Variants in APPBP2 observed in about 807,000 individuals in gnomAD.
APPBP2 encodes the protein amyloid beta precursor protein binding protein 2.
In APPBP2, 15 loss-of-function variants were observed where a neutral mutation model predicts 76.0. The observed-to-expected ratio is 0.20, with a 90% CI of 0.13 to 0.30. The LOEUF is 0.30. APPBP2 is among the 10% of genes least tolerant of loss of function. The probability of loss-of-function intolerance (pLI) is 1.00; values close to 1 mark genes in which losing one functional copy is unlikely to be tolerated. For missense variants in APPBP2, 401 were observed against 687.2 expected, an observed-to-expected ratio of 0.58 and a Z score of 4.66; for synonymous variants, 222 against 242.2, an observed-to-expected ratio of 0.92 and a Z score of 0.77.
intron 4 of APPBP2, among the ~76,000 whole-genome samples, chr17:60,477,773 GC>G (rs1445413992): frequency 7.1e-6 from 1 of 141,418 alleles, no homozygotes; most frequent in Non-Finnish European, 1.5e-5. Context: ...GTCAATGACA[GC>G]CTCAAAAGAC....
chr17:60,478,698 G>C (rs935997135), intron 4 of APPBP2, among the ~76,000 whole-genome samples: 2 of 152,162 alleles, frequency 1.3e-5, no homozygotes, highest in African/African-American at 4.8e-5. Flanking sequence ...AAGGCAGGTG[G>C]ATCACCTGAA....
intron 1 of APPBP2, among the ~76,000 whole-genome samples, chr17:60,517,812 TTTC>T (rs1356904608): frequency 1.3e-5 from 2 of 152,234 alleles, no homozygotes; most frequent in Non-Finnish European, 2.9e-5. Context: ...CCAGATTTTC[TTTC>T]TTCATCGTCA....
chr17:60,499,902 A>C (rs1042541827), intron 2 of APPBP2, among the ~76,000 whole-genome samples: 1 of 152,212 alleles, frequency 6.6e-6, no homozygotes, highest in East Asian at 1.9e-4. Context: ...ACACAGGATA[A>C]GGGAAAGAGA....
intron 2 of APPBP2, among the ~76,000 whole-genome samples, chr17:60,498,177 A>G (rs933901635): frequency 3.3e-5 from 5 of 152,034 alleles, no homozygotes; most frequent in Non-Finnish European, 7.4e-5. Context: ...ATCTGTAGCT[A>G]CTACTACTAC....
rs1446431999 is a variant in APPBP2 at position 60,466,391 on chromosome 17, G to A, written c.572C>T (p.Thr191Ile). The A allele has an allele frequency of 1.9e-6, 3 of 1,613,818 alleles. No individual in the cohort carries two copies. The highest frequency in any genetic ancestry group is 3.3e-5 in the Admixed American group (2 of 60,020). ...ATGTTTTGATAGTTTATCCATATAT[G>A]TCTGAGCTAATTTAAATGTTTCTTC... The part of the protein sequence containing the change: ...LGEETFKLAQ[T>I]YMDKLSKHGQ... Residue 191 changes from threonine to isoleucine, a missense_variant, in exon 5 of 13, where the codon ACA (threonine) becomes ATA (isoleucine). Coordinates refer to ENST00000083182, the MANE Select transcript of APPBP2 (RefSeq NM_006380.5).
At position 60,447,440 on chromosome 17, in the gene APPBP2, G is replaced by C; in HGVS notation, c.*141C>G. The C allele has an allele frequency of 1.1e-6, 1 of 881,568 alleles. No homozygotes were observed. Among genetic ancestry groups the C allele is most frequent in the South Asian group, 1.8e-5 (1 of 56,384 alleles). The allele number at this position is 881,568 out of a possible 1,614,324, so 54.6% of individuals were successfully genotyped here. On this transcript the variant is annotated 3_prime_UTR_variant, in exon 13 of 13. Coordinates refer to ENST00000083182, the MANE Select transcript of APPBP2 (RefSeq NM_006380.5). ...TCCTACAGACATTCTGCAAGATAGG[G>C]ATCACCCAAAATAGGGTCTTCAATG...
chr17:60,452,158 T>A, intron 11 of APPBP2, 113 bp from the exon 12 acceptor site: 1 of 1,094,616 alleles, frequency 9.1e-7, no homozygotes, highest in Non-Finnish European at 1.3e-6. Flanking sequence ...TGCCATAAGG[T>A]AATCAGATCA....
intron 4 of APPBP2, among the ~76,000 whole-genome samples, chr17:60,467,801 C>T (rs544428178): frequency 6.6e-6 from 1 of 150,624 alleles, no homozygotes; most frequent in African/African-American, 2.4e-5. Flanking sequence ...AAGCATGTTC[C>T]AAAACAGAAG....
intron 12 of APPBP2, among the ~76,000 whole-genome samples, chr17:60,451,093 T>C (rs1200312586): frequency 1.3e-5 from 2 of 152,236 alleles, no homozygotes; most frequent in South Asian, 2.1e-4. Context: ...GGATAAATGA[T>C]GACATCCTAA....
Position 60,444,289 on chromosome 17 carries a change from C to T in APPBP2, c.*3292G>A, listed in dbSNP as rs1016887589. The T allele has an allele frequency of 3.3e-5, 5 of 152,412 alleles. No homozygotes were observed. The highest frequency in any genetic ancestry group is 9.7e-5 in the African/African-American group (4 of 41,372). The allele number at this position is 152,412 out of a possible 1,614,324, so 9.4% of individuals were successfully genotyped here. A position where few individuals can be genotyped will look rare whatever the true frequency, so the allele number is the denominator to read the frequency against. On this transcript the variant is annotated 3_prime_UTR_variant, in exon 13 of 13. Transcript: ENST00000083182. ...CCCAGAAGAAAAGCAAGCAGCAAGG[C>T]TACAAATTCTAGGGAAAACATAAAA...
intron 3 of APPBP2, among the ~76,000 whole-genome samples, chr17:60,493,084 C>T (rs1365536058): frequency 6.6e-6 from 1 of 152,176 alleles, no homozygotes; most frequent in Non-Finnish European, 1.5e-5. Flanking sequence ...TAAGGGGTTT[C>T]CCCTATCTCT....
intron 1 of APPBP2, among the ~76,000 whole-genome samples, chr17:60,501,560 T>A (rs2090823580): frequency 6.7e-6 from 1 of 149,326 alleles, no homozygotes; most frequent in Non-Finnish European, 1.5e-5. Context: ...CCATGCCTAA[T>A]TTTTTTTTTG....
intron 1 of APPBP2, among the ~76,000 whole-genome samples, chr17:60,503,533 C>A (rs1346038219): frequency 6.9e-6 from 1 of 144,678 alleles, no homozygotes; most frequent in Non-Finnish European, 1.5e-5. Context: ...TTACAGGCGC[C>A]CGCCACCACG....
At chr17:60,516,878 G>A (rs765998046) in intron 1 of APPBP2, among the ~76,000 whole-genome samples, 4 of 152,152 alleles carry the variant, frequency 2.6e-5, no homozygotes, top group Non-Finnish European at 5.9e-5. Context: ...CAGTAAAACA[G>A]TACTTCTCTG....
intron 2 of APPBP2, 112 bp downstream of exon 2, chr17:60,500,287 G>A (rs913045765): frequency 1.8e-5 from 13 of 728,876 alleles, no homozygotes; most frequent in East Asian, 8.7e-5. Flanking sequence ...GATTACAGGC[G>A]TAAGCCACAG....
At position 60,447,600 on chromosome 17, in the gene APPBP2, A is replaced by G. The variant is rs751195631; in HGVS notation, c.1739T>C (p.Val580Ala). 3 of 1,613,360 alleles carry G rather than the reference A, an allele frequency of 1.9e-6. No homozygotes were observed. Among genetic ancestry groups the G allele is most frequent in the African/African-American group, 2.7e-5 (2 of 74,900 alleles). The change falls in exon 13 of 13, where the codon GTC becomes GCC. Residue 580 changes from valine (V) to alanine (A), a missense_variant. Transcript: ENST00000083182. ...VVQSFLISQN[V>A]EGPSC ...CCTCCCTCAGCAGCTCGGTCCCTCGACATTCTGAGAAATCAGGAAGGACTG... is the reference window on the plus strand; with the variant it reads ...CCTCCCTCAGCAGCTCGGTCCCTCGGCATTCTGAGAAATCAGGAAGGACTG...
rs1352268040 is a variant in APPBP2 at position 60,500,461 on chromosome 17, T to C, written c.165A>G (p.Gln55=). 1.9e-6 allele frequency: 3 copies of C among 1,611,018 alleles called. No individual in the cohort carries two copies. Among genetic ancestry groups the C allele is most frequent in the Non-Finnish European group, 2.5e-6 (3 of 1,178,910 alleles). ...YKLYQQGRLC[Q]LGSEFCELEV... is the part of the protein sequence containing the mutation. ...CCAATTCACAAAATTCACTGCCCAG[T>C]TGACATAAGCGTCCCTGTTGGTAAA... The change falls in exon 2 of 13, where the codon CAA becomes CAG. Residue 55 remains glutamine (Q), a synonymous_variant. Coordinates refer to ENST00000083182, the MANE Select transcript of APPBP2 (RefSeq NM_006380.5).
chr17:60,460,125 A>G (rs1489207392), intron 9 of APPBP2: 1 of 152,326 alleles, frequency 6.6e-6, no homozygotes, highest in Non-Finnish European at 1.5e-5. Flanking sequence ...AACATAAGTT[A>G]TATTCTGCAT....
At chr17:60,465,623 C>T (rs2090505406) in intron 5 of APPBP2, among the ~76,000 whole-genome samples, 1 of 152,094 alleles carries the variant, frequency 6.6e-6, no homozygotes, top group South Asian at 2.1e-4. Context: ...AATCCCAGCA[C>T]TTCAGGAGGC....
Sources: allele counts gnomAD v4.1 joint callset (sites outside exome capture counted in the v4.1 genomes callset), GRCh38; gene constraint gnomAD v4.1.1; transcripts MANE v1.5; gene names NCBI Gene and HGNC (gene_info 2026-07-23, HGNC 2026-07-21).